Variants in MAP3K4 observed in about 807,000 individuals in gnomAD.
MAP3K4 encodes MAP three kinase 1.
MAP3K4 carries 67 observed loss-of-function variants against 185.6 expected under a neutral mutation model. That is an observed-to-expected ratio of 0.36 (90% CI 0.30 to 0.44). The LOEUF is 0.44. Ranked by LOEUF, MAP3K4 falls within the 20% of genes least tolerant of loss-of-function variation. MAP3K4 has a pLI of 1.00. For missense variants in MAP3K4, 1,551 were observed against 1,995.1 expected (o/e 0.78, Z 4.24); for synonymous variants, 702 against 710.4 (o/e 0.99, Z 0.19).
Position 161,112,754 on chromosome 6 carries a change from A to T in MAP3K4, c.4606A>T (p.Ile1536Leu). 6.2e-7 allele frequency: 1 copy of T among 1,604,718 alleles called. No individual in the cohort carries two copies. Among genetic ancestry groups the T allele is most frequent in the Non-Finnish European group, 8.5e-7 (1 of 1,176,576 alleles). The stretch of plus-strand genomic sequence containing the variant: ...CATCTGGAGTCTGGGGTGTGTTGTC[A>T]TAGAGATGGTGACTGGCAAGGTAAG... ...ADIWSLGCVV[I>L]EMVTGKRPWH... Residue 1536 changes from isoleucine to leucine, a missense_variant, in exon 25 of 27, where the codon ATA becomes TTA. Around this residue, in one of 16 missense-constraint regions of MAP3K4, gnomAD observed 159 missense variants for 300.5 expected, o/e 0.53. Coordinates refer to ENST00000392142, the MANE Select transcript of MAP3K4 (RefSeq NM_005922.4). This position sits in a 1 kb window ranked among gnomAD's most constrained non-coding sequence, Gnocchi z 5.1.
chr6:161,116,479 G>A lies in MAP3K4; in HGVS notation c.4807-371G>A, dbSNP rs1037999116. 1.2e-4 allele frequency among the ~76,000 whole-genome samples: 19 copies of A among 152,114 alleles called. No homozygotes were observed. The highest frequency in any genetic ancestry group is 5.2e-4 in the Admixed American group (8 of 15,266). On this transcript the variant is annotated intron_variant, in intron 26 of 26. Coordinates refer to ENST00000392142, the MANE Select transcript of MAP3K4 (RefSeq NM_005922.4). This position sits in a 1 kb window ranked among gnomAD's most constrained non-coding sequence, Gnocchi z 6.2. ...GGAAAGGAAGGGGCAGAAGAGTGGG[G>A]TGATGCTCTTATTGGTAAGTGGGAG...
chr6:161,113,752 A>G (rs1318870689), intron 25 of MAP3K4, among the ~76,000 whole-genome samples: 1 of 146,194 alleles, frequency 6.8e-6, no homozygotes. Context: ...ATATATTTAA[A>G]TTGAAATCAT....
chr6:160,992,396 C>T (rs951703018), intron 1 of MAP3K4: 6 of 429,440 alleles, frequency 1.4e-5, no homozygotes, highest in East Asian at 4.4e-5. Flanking sequence ...GGCTGCCTCC[C>T]CTGCCGCTAG....
At position 160,996,914 on chromosome 6, in the gene MAP3K4, C is replaced by T. The variant is rs1363364422; in HGVS notation, c.152+4831C>T. 6.6e-6 allele frequency among the ~76,000 whole-genome samples: 1 copy of T among 152,178 alleles called. No homozygotes were observed. Among genetic ancestry groups the T allele is most frequent in the East Asian group, 1.9e-4 (1 of 5,202 alleles). ...CATGTTAGCAGACCAGTGAGGTGGGCTTGCATCCCTAGCAGGTGCACCCCT... is the reference window on the plus strand; with the variant it reads ...CATGTTAGCAGACCAGTGAGGTGGGTTTGCATCCCTAGCAGGTGCACCCCT... On this transcript the variant is annotated intron_variant, in intron 1 of 26. Transcript: ENST00000392142. The surrounding 1 kb of genome is among the most constrained non-coding windows in gnomAD (Gnocchi z 4.5).
intron 3 of MAP3K4, among the ~76,000 whole-genome samples, chr6:161,052,218 A>G (rs547013593): frequency 7.9e-4 from 115 of 145,146 alleles, no homozygotes; most frequent in African/African-American, 2.9e-3. Context: ...GTGATTAACT[A>G]TTGCTACTAA....
chr6:161,011,151 G>T (rs1163374863), intron 1 of MAP3K4, among the ~76,000 whole-genome samples: 2 of 152,182 alleles, frequency 1.3e-5, no homozygotes, highest in African/African-American at 4.8e-5. Flanking sequence ...GACATTCATT[G>T]TCCTAATAGG....
intron 6 of MAP3K4, among the ~76,000 whole-genome samples, chr6:161,083,616 C>CT (rs1271025609): frequency 6.6e-6 from 1 of 152,166 alleles, no homozygotes; most frequent in African/African-American, 2.4e-5. Flanking sequence ...GGATGATTTT[C>CT]TTTTTTCATG....
rs946600760 is a variant in MAP3K4 at position 161,048,861 on chromosome 6, A to G, written c.589A>G (p.Lys197Glu). Reference sequence around the variant, plus strand: ...CCTCAGCCTTGGCTGTAGCAATGCTAAGCTTCCAGTATCTGTGCCCATGCC... The same window carrying G: ...CCTCAGCCTTGGCTGTAGCAATGCTGAGCTTCCAGTATCTGTGCCCATGCC... ...PYLSLGCSNAKLPVSVPMPIA... is the reference protein window; with the variant it reads ...PYLSLGCSNAELPVSVPMPIA... Residue 197 changes from lysine to glutamate, a missense_variant, in exon 3 of 27, where the codon AAG (lysine) becomes GAG (glutamate). Lys to Glu is a moderately conservative substitution (Grantham distance 56, BLOSUM62 1). This residue lies in a region of MAP3K4 where 287 missense variants were observed against 268.8 expected (regional missense o/e 1.07). Coordinates refer to ENST00000392142, the MANE Select transcript of MAP3K4 (RefSeq NM_005922.4). This position sits in a 1 kb window ranked among gnomAD's most constrained non-coding sequence, Gnocchi z 4.7. The G allele has an allele frequency of 2.5e-6, 4 of 1,614,226 alleles. No individual in the cohort carries two copies. The highest frequency in any genetic ancestry group is 1.7e-5 in the Admixed American group (1 of 60,012).
At chr6:161,002,043 GA>G (rs1241368170) in intron 1 of MAP3K4, among the ~76,000 whole-genome samples, 1 of 131,888 alleles carries the variant, frequency 7.6e-6, no homozygotes, top group East Asian at 2.3e-4. Context: ...ATAGAAATAA[GA>G]AAAAGGTTTT....
At chr6:161,013,167 C>T (rs1280456824) in intron 1 of MAP3K4, among the ~76,000 whole-genome samples, 1 of 152,138 alleles carries the variant, frequency 6.6e-6, no homozygotes, top group Non-Finnish European at 1.5e-5. Flanking sequence ...TTCTAGCTTC[C>T]AGTGTTACTA....
At chr6:160,992,122 G>C in intron 1 of MAP3K4, 39 bp downstream of exon 1, 2 of 1,510,030 alleles carry the variant, frequency 1.3e-6, no homozygotes, top group Non-Finnish European at 1.8e-6. Flanking sequence ...CGCAGAAAGC[G>C]GGGCGGGTCC....
chr6:161,057,612 G>A (rs1365129920), intron 3 of MAP3K4, among the ~76,000 whole-genome samples: 1 of 152,178 alleles, frequency 6.6e-6, no homozygotes, highest in Non-Finnish European at 1.5e-5. Context: ...CCTCCTGTGT[G>A]CCTCACGTGA....
At chr6:161,113,502 C>T (rs1385555356) in intron 25 of MAP3K4, among the ~76,000 whole-genome samples, 2 of 151,998 alleles carry the variant, frequency 1.3e-5, no homozygotes, top group Non-Finnish European at 2.9e-5. Context: ...CAGAGTGAAC[C>T]CTGATGTAAA....
intron 1 of MAP3K4, among the ~76,000 whole-genome samples, chr6:161,031,607 A>G (rs1263453440): frequency 2.6e-5 from 4 of 152,178 alleles, no homozygotes; most frequent in South Asian, 2.1e-4. Flanking sequence ...CCCTCCTCAC[A>G]ACAATTCTCC....
In MAP3K4 at chr6:161,049,762, T is replaced by C. The variant is rs781618112; in HGVS notation, c.1490T>C (p.Leu497Pro). ...TGCATATCCAAGAAGCTTGAGAGGCTCGAATCTGAGGATGATTCTCTTGGC... is the reference window on the plus strand; with the variant it reads ...TGCATATCCAAGAAGCTTGAGAGGCCCGAATCTGAGGATGATTCTCTTGGC... Reference protein sequence around the residue: ...RDCISKKLERLESEDDSLGWG... With the variant: ...RDCISKKLERPESEDDSLGWG... The change falls in exon 3 of 27, where the codon CTC becomes CCC. Residue 497 changes from leucine (L) to proline (P), a missense_variant. Physicochemically the swap from Leu to Pro is moderately conservative, Grantham distance 98 (BLOSUM62 -3). Coordinates refer to ENST00000392142, the MANE Select transcript of MAP3K4 (RefSeq NM_005922.4). The surrounding 1 kb of genome is among the most constrained non-coding windows in gnomAD (Gnocchi z 8.4). 1.2e-6 allele frequency: 2 copies of C among 1,614,032 alleles called. No homozygotes were observed. The highest frequency in any genetic ancestry group is 3.3e-5 in the Admixed American group (2 of 59,996).
At chr6:161,081,207 G>T (rs1785438275) in intron 6 of MAP3K4, among the ~76,000 whole-genome samples, 169 bp downstream of exon 6, 1 of 151,826 alleles carries the variant, frequency 6.6e-6, no homozygotes, top group East Asian at 1.9e-4. Context: ...TTCTCAGTCA[G>T]GGGTGATTTT....
chr6:161,094,303 C>G (rs1777473559), intron 15 of MAP3K4, among the ~76,000 whole-genome samples: 1 of 152,188 alleles, frequency 6.6e-6, no homozygotes, highest in African/African-American at 2.4e-5. Context: ...TACCCATCTT[C>G]CCACCAGCTG....
chr6:161,001,798 A>C (rs1781333194), intron 1 of MAP3K4, among the ~76,000 whole-genome samples: 1 of 152,184 alleles, frequency 6.6e-6, no homozygotes, highest in Non-Finnish European at 1.5e-5. Context: ...AAATAATAAC[A>C]TCTTCCTAGG....
chr6:161,102,520 G>GGT (rs1432138110), intron 18 of MAP3K4, among the ~76,000 whole-genome samples, 179 bp from the exon 19 acceptor site: 1 of 152,046 alleles, frequency 6.6e-6, no homozygotes, highest in Non-Finnish European at 1.5e-5. Flanking sequence ...CTTCTTAGTT[G>GGT]GTGCAATTTT....
Sources: gnomAD v4.1 joint callset for allele counts (sites outside exome capture counted in the v4.1 genomes callset) on GRCh38, gnomAD v4.1.1 for gene constraint, gnomAD v4.1.1 regional missense constraint, Gnocchi (gnomAD v3.1) non-coding constraint, MANE v1.5 for transcripts, NCBI Gene and HGNC (gene_info 2026-07-23, HGNC 2026-07-21) for gene names.